Variants in TENM3 observed in about 807,000 individuals in gnomAD.
The protein encoded by TENM3 is teneurin-3.
Under a neutral mutation model 255.1 loss-of-function variants are expected in TENM3, and 63 were observed. The observed-to-expected ratio is 0.25, with a 90% CI of 0.20 to 0.30. TENM3 has a LOEUF of 0.30. Ranked by LOEUF, TENM3 falls within the 10% of genes least tolerant of loss-of-function variation. The pLI, the probability that TENM3 is intolerant of heterozygous loss-of-function variation, is 1.00. For missense variants in TENM3, 2,929 were observed against 3,461.1 expected (o/e 0.85, Z 3.86); for synonymous variants, 1,306 against 1,322.3 (o/e 0.99, Z 0.27).
intron 3 of TENM3, among the ~76,000 whole-genome samples, chr4:182,585,289 G>A (rs1745903573): frequency 6.6e-6 from 1 of 152,108 alleles, no homozygotes; most frequent in Non-Finnish European, 1.5e-5. Flanking sequence ...TTGGGACAGG[G>A]AGCTTAAACT....
chr4:182,658,608 C>G (rs529146411), intron 6 of TENM3, among the ~76,000 whole-genome samples: 3 of 152,338 alleles, frequency 2.0e-5, no homozygotes, highest in African/African-American at 7.2e-5. Flanking sequence ...CAGAACCCAT[C>G]AACTACTTTG....
intron 1 of TENM3, among the ~76,000 whole-genome samples, chr4:182,284,950 T>C (rs1437859087): frequency 6.6e-6 from 1 of 152,186 alleles, no homozygotes; most frequent in African/African-American, 2.4e-5. Context: ...CTCTGTTTGA[T>C]ACCTTTTTGG....
chr4:182,400,737 A>C (rs1234344716), intron 3 of TENM3, among the ~76,000 whole-genome samples: 1 of 152,208 alleles, frequency 6.6e-6, no homozygotes, highest in African/African-American at 2.4e-5. Flanking sequence ...AGGGAGCTCC[A>C]AGAGCTTTCT....
At chr4:182,162,193 A>G (rs1751396722) in intron 1 of TENM3, among the ~76,000 whole-genome samples, 1 of 151,796 alleles carries the variant, frequency 6.6e-6, no homozygotes, top group Admixed American at 6.6e-5. Context: ...ATTTCTTAAT[A>G]TTTTGCTGAA....
intron 4 of TENM3, among the ~76,000 whole-genome samples, chr4:182,615,029 A>G (rs1471782864): frequency 2.0e-4 from 8 of 40,140 alleles, no homozygotes; most frequent in African/African-American, 3.3e-4. Flanking sequence ...TGTTTCTCAG[A>G]AAAAAAAAAA....
chr4:181,677,538 A>G, the TENM3 span, among the ~76,000 whole-genome samples: 2 of 151,784 alleles, frequency 1.3e-5, no homozygotes, highest in Non-Finnish European at 2.9e-5. Flanking sequence ...AGTCTAAGAT[A>G]CTCCTTTGTT....
chr4:182,053,275 C>T, the TENM3 span, among the ~76,000 whole-genome samples: 4 of 152,194 alleles, frequency 2.6e-5, no homozygotes, highest in Non-Finnish European at 4.4e-5. Context: ...TTGTTTCTAA[C>T]ACGAGCCCAG....
chr4:182,399,533 T>C (rs995975614), intron 3 of TENM3, among the ~76,000 whole-genome samples: 50 of 152,350 alleles, frequency 3.3e-4, no homozygotes, highest in African/African-American at 1.1e-3. Flanking sequence ...TTCTTGGCAT[T>C]AGTGATTAGT....
intron 3 of TENM3, among the ~76,000 whole-genome samples, chr4:182,519,580 G>A (rs960924570): frequency 6.6e-6 from 1 of 152,198 alleles, no homozygotes; most frequent in Non-Finnish European, 1.5e-5. Context: ...CATTTGTTAA[G>A]TGAAGGAGCT....
At chr4:181,674,131 G>T in the TENM3 span, among the ~76,000 whole-genome samples, 1 of 152,054 alleles carries the variant, frequency 6.6e-6, no homozygotes. Context: ...AAGTAGCTGG[G>T]ACTACAGGCA....
chr4:182,022,170 T>TAA, the TENM3 span, among the ~76,000 whole-genome samples: 261 of 144,434 alleles, frequency 1.8e-3, 14 homozygotes, highest in South Asian at 0.054. Context: ...GTGGATTGGA[T>TAA]AAAAAAAAAA....
At chr4:181,548,023 T>C in the TENM3 span, among the ~76,000 whole-genome samples, 1 of 151,756 alleles carries the variant, frequency 6.6e-6, no homozygotes, top group African/African-American at 2.4e-5. Flanking sequence ...TGTGTTCTCA[T>C]TGTTCAATTC....
chr4:182,652,702 G>C (rs1753420543), intron 5 of TENM3, among the ~76,000 whole-genome samples: 1 of 152,178 alleles, frequency 6.6e-6, no homozygotes, highest in Admixed American at 6.5e-5. Flanking sequence ...TTTGACAGTG[G>C]TAGTCATCAC....
chr4:181,531,734 G>A, the TENM3 span, among the ~76,000 whole-genome samples: 2 of 152,192 alleles, frequency 1.3e-5, no homozygotes, highest in African/African-American at 4.8e-5. Flanking sequence ...AATATAAAAC[G>A]CAAGATCTAA....
chr4:182,690,174 G>A (rs1756906620), intron 12 of TENM3, among the ~76,000 whole-genome samples: 1 of 152,210 alleles, frequency 6.6e-6, no homozygotes, highest in South Asian at 2.1e-4. Flanking sequence ...TACTTGCACA[G>A]CATCCTTGGA....
At chr4:182,295,668 A>G (rs531899189) in intron 1 of TENM3, among the ~76,000 whole-genome samples, 12 of 152,322 alleles carry the variant, frequency 7.9e-5, no homozygotes, top group African/African-American at 2.9e-4. Flanking sequence ...GCTGAGATGC[A>G]AGAGCAAAAC....
At chr4:182,521,705 C>T (rs904535367) in intron 3 of TENM3, among the ~76,000 whole-genome samples, 5 of 152,198 alleles carry the variant, frequency 3.3e-5, no homozygotes, top group African/African-American at 9.6e-5. Context: ...ATTTTTAATG[C>T]GTTTCAAGAG....
chr4:181,968,473 G>A, the TENM3 span, among the ~76,000 whole-genome samples: 1 of 152,148 alleles, frequency 6.6e-6, no homozygotes, highest in Non-Finnish European at 1.5e-5. Flanking sequence ...TCTGCCAGTG[G>A]CAAGAAACAA....
At chr4:182,410,202 A>G (rs1382224020) in intron 3 of TENM3, among the ~76,000 whole-genome samples, 2 of 152,222 alleles carry the variant, frequency 1.3e-5, no homozygotes, top group African/African-American at 2.4e-5. Context: ...AATACAGAAC[A>G]CTAGAAGCTA....
Sources: gnomAD v4.1 joint callset for allele counts (sites outside exome capture counted in the v4.1 genomes callset) on GRCh38, gnomAD v4.1.1 for gene constraint, MANE v1.5 for transcripts, NCBI Gene and HGNC (gene_info 2026-07-23, HGNC 2026-07-21) for gene names.